Variants in STX3 observed in about 807,000 individuals in gnomAD.
The protein encoded by STX3 is syntaxin 3.
A neutral mutation model predicts 40.2 loss-of-function variants in STX3; 19 were observed. That is an observed-to-expected ratio of 0.47 (90% CI 0.33 to 0.69). STX3 has a LOEUF of 0.69. Ranked by LOEUF, STX3 falls within the 30% of genes least tolerant of loss-of-function variation. The pLI is 0.02. For synonymous variants in STX3, 122 were observed against 132.2 expected, an observed-to-expected ratio of 0.92 and a Z score of 0.53; for missense variants, 364 against 366.7, an observed-to-expected ratio of 0.99 and a Z score of 0.06.
intron 10 of STX3, chr11:59,800,418 C>T (rs900615677): frequency 7.1e-6 from 7 of 985,208 alleles, no homozygotes; most frequent in Non-Finnish European, 8.4e-6. Flanking sequence ...ATAATATGAC[C>T]CCTGAACTTT....
At chr11:59,789,908 T>G (rs1365485453) in intron 4 of STX3, among the ~76,000 whole-genome samples, 1 of 152,242 alleles carries the variant, frequency 6.6e-6, no homozygotes, top group Non-Finnish European at 1.5e-5. Flanking sequence ...ATTCAGTTCT[T>G]CCAGAGCCTA....
chr11:59,785,626 T>C (rs1473556259), intron 2 of STX3, among the ~76,000 whole-genome samples: 1 of 152,206 alleles, frequency 6.6e-6, no homozygotes, highest in Non-Finnish European at 1.5e-5. Flanking sequence ...CCATTGTGCC[T>C]GGCCTCTCCT....
intron 1 of STX3, among the ~76,000 whole-genome samples, chr11:59,757,262 G>A (rs375692865): frequency 5.3e-5 from 8 of 152,144 alleles, no homozygotes; most frequent in African/African-American, 1.7e-4. Context: ...AAGCACGCTG[G>A]TTGGGGAGGC....
intron 10 of STX3, chr11:59,800,295 A>G (rs1262428541): frequency 1.0e-6 from 1 of 985,270 alleles, no homozygotes; most frequent in Non-Finnish European, 1.2e-6. Context: ...ATTTCCTAGT[A>G]ATGTGCCAGC....
intron 1 of STX3, among the ~76,000 whole-genome samples, chr11:59,759,456 T>C (rs1172443445): frequency 1.3e-5 from 2 of 152,200 alleles, no homozygotes; most frequent in Non-Finnish European, 2.9e-5. Flanking sequence ...AAAGTCCTAG[T>C]ATCAAAGGGT....
chr11:59,789,661 G>C (rs186831962), intron 4 of STX3, among the ~76,000 whole-genome samples: 73 of 152,224 alleles, frequency 4.8e-4, no homozygotes, highest in Middle Eastern at 3.4e-3. Flanking sequence ...GGCTGGTCTC[G>C]AACTTTTCTG....
At position 59,803,110 on chromosome 11, in the gene STX3, C is replaced by G. The variant is rs1374670101; in HGVS notation, c.*2286C>G. 2 of 1,229,246 alleles carry G rather than the reference C, an allele frequency of 1.6e-6. No individual in the cohort carries two copies. The highest frequency in any genetic ancestry group is 2.0e-6 in the Non-Finnish European group (2 of 986,756). 76.1% of individuals were successfully genotyped at this position (1,229,246 alleles called of 1,614,324 possible). A position where few individuals can be genotyped will look rare whatever the true frequency, so the allele number is the denominator to read the frequency against. On this transcript the variant is annotated 3_prime_UTR_variant, in exon 11 of 11. Coordinates refer to ENST00000337979, the MANE Select transcript of STX3 (RefSeq NM_004177.5). ...CCATCTCCTTTTTCCTTCTGTTGCTCTCTTCCTTCACACCCTCTTCCATGT... is the reference window on the plus strand; with the variant it reads ...CCATCTCCTTTTTCCTTCTGTTGCTGTCTTCCTTCACACCCTCTTCCATGT...
chr11:59,781,264 G>C, intron 2 of STX3: 2 of 1,373,744 alleles, frequency 1.5e-6, no homozygotes, highest in Non-Finnish European at 2.0e-6. Context: ...ATTGAACTGA[G>C]CTTGGTCATT....
Position 59,803,561 on chromosome 11 carries a change from A to T in STX3, c.*2737A>T, listed in dbSNP as rs1205778199. 6.6e-6 allele frequency among the ~76,000 whole-genome samples: 1 copy of T among 152,214 alleles called. No homozygotes were observed. Among genetic ancestry groups the T allele is most frequent in the African/African-American group, 2.4e-5 (1 of 41,454 alleles). Reference sequence around the variant, plus strand: ...GCAGAATGCTTTGTACAGGTGAAGGATAGTGATTCCTGCTAAACAGTTTGA... The same window carrying T: ...GCAGAATGCTTTGTACAGGTGAAGGTTAGTGATTCCTGCTAAACAGTTTGA... On this transcript the variant is annotated 3_prime_UTR_variant, in exon 11 of 11. Coordinates refer to ENST00000337979, the MANE Select transcript of STX3 (RefSeq NM_004177.5).
chr11:59,760,379 C>T (rs988148625), intron 1 of STX3, among the ~76,000 whole-genome samples: 38 of 150,820 alleles, frequency 2.5e-4, no homozygotes, highest in African/African-American at 8.2e-4. Context: ...GCAGCTCTCA[C>T]GGGGTGCATG....
intron 2 of STX3, among the ~76,000 whole-genome samples, chr11:59,780,356 C>A (rs1283034270): frequency 6.6e-6 from 1 of 152,148 alleles, no homozygotes; most frequent in Non-Finnish European, 1.5e-5. Flanking sequence ...AGGCAGCTGT[C>A]TACAAGCCAG....
intron 10 of STX3, 100 bp downstream of exon 10, chr11:59,797,496 T>C (rs534270503): frequency 7.3e-6 from 6 of 826,974 alleles, no homozygotes; most frequent in African/African-American, 6.9e-5. Context: ...ATGATTGTCC[T>C]TGGACACACT....
rs1452178560 is a variant in STX3 at position 59,788,887 on chromosome 11, C to G, written c.229C>G (p.Leu77Val). ...TATTTACCCAGAAACCAAGGATGAC[C>G]TAGAGCAGCTCACGACTGAGATTAA... ...PIPEPKTKDDLEQLTTEIKKR... is the reference protein window; with the variant it reads ...PIPEPKTKDDVEQLTTEIKKR... Residue 77 changes from leucine (L) to valine (V), a missense_variant, in exon 4 of 11, where the codon CTA (leucine) becomes GTA (valine). Transcript: ENST00000337979. 4 of 1,612,494 alleles carry G rather than the reference C, an allele frequency of 2.5e-6. No individual in the cohort carries two copies. In the East Asian group the frequency reaches 6.7e-5, roughly 27 times the overall value.
intron 1 of STX3, among the ~76,000 whole-genome samples, chr11:59,761,387 A>G (rs537639184): frequency 1.3e-5 from 2 of 152,302 alleles, no homozygotes; most frequent in Non-Finnish European, 2.9e-5. Context: ...GGTGTATACA[A>G]ATAGCCACAT....
chr11:59,758,140 A>G (rs1365487023), intron 1 of STX3, among the ~76,000 whole-genome samples: 1 of 152,092 alleles, frequency 6.6e-6, no homozygotes, highest in Non-Finnish European at 1.5e-5. Flanking sequence ...ATACAAAGAG[A>G]ACATGTGGGG....
At position 59,803,240 on chromosome 11, in the gene STX3, G is replaced by T; in HGVS notation, c.*2416G>T. ...CAGAAGAAGATCATGATCATGATCT[G>T]CTGTATTATCCTTGCGATCATCTTA... On this transcript the variant is annotated 3_prime_UTR_variant, in exon 11 of 11. Coordinates refer to ENST00000337979, the MANE Select transcript of STX3 (RefSeq NM_004177.5). 2 of 1,231,644 alleles carry T rather than the reference G, an allele frequency of 1.6e-6. No homozygotes were observed. The highest frequency in any genetic ancestry group is 2.0e-6 in the Non-Finnish European group (2 of 987,944). The allele number at this position is 1,231,644 out of a possible 1,614,324, so 76.3% of individuals were successfully genotyped here.
intron 9 of STX3, chr11:59,795,787 T>C: frequency 7.5e-7 from 1 of 1,326,742 alleles, no homozygotes; most frequent in Non-Finnish European, 1.0e-6. Context: ...CACCCCTACC[T>C]GTGTTCTTGA....
chr11:59,784,930 A>G (rs976998226), intron 2 of STX3, among the ~76,000 whole-genome samples: 1 of 152,200 alleles, frequency 6.6e-6, no homozygotes, highest in Non-Finnish European at 1.5e-5. Flanking sequence ...ATAATTAAAA[A>G]AATTAACTCT....
At chr11:59,757,351 A>G (rs1202761823) in intron 1 of STX3, among the ~76,000 whole-genome samples, 1 of 152,162 alleles carries the variant, frequency 6.6e-6, no homozygotes, top group Non-Finnish European at 1.5e-5. Context: ...ACAAAACTGA[A>G]CAGCAGGCTC....
Sources: gnomAD v4.1 joint callset for allele counts (sites outside exome capture counted in the v4.1 genomes callset) on GRCh38, gnomAD v4.1.1 for gene constraint, MANE v1.5 for transcripts, NCBI Gene and HGNC (gene_info 2026-07-23, HGNC 2026-07-21) for gene names.